The following DNAAF11 variants were observed in gnomAD, a reference collection of about 807,000 sequenced individuals.
The protein encoded by DNAAF11 is leucine rich repeat containing 6.
In DNAAF11, 45 loss-of-function variants were observed where a neutral mutation model predicts 60.8. The ratio of observed to expected loss-of-function variants is 0.74; its 90% confidence interval spans 0.58 to 0.95. The LOEUF is 0.95. Among genes scored for constraint, DNAAF11 ranks in the 40% least tolerant of loss-of-function variants. The probability of loss-of-function intolerance (pLI) is 0.00; values close to 1 mark genes in which losing one functional copy is unlikely to be tolerated. For synonymous variants in DNAAF11, 191 were observed against 183.5 expected (o/e 1.04, Z -0.33); for missense variants, 546 against 546.2 (o/e 1.00, Z 0.00).
chr8:132,637,002 T>A (rs1252250624), intron 4 of DNAAF11, among the ~76,000 whole-genome samples: 2 of 152,194 alleles, frequency 1.3e-5, no homozygotes, highest in Non-Finnish European at 2.9e-5. Context: ...TGGAGCCACA[T>A]GCAGGCTGGG....
chr8:132,698,830 C>G, the DNAAF11 span, among the ~76,000 whole-genome samples: 1 of 151,932 alleles, frequency 6.6e-6, no homozygotes, highest in African/African-American at 2.4e-5. Flanking sequence ...ACCTGTAATC[C>G]CAGCACTTGG....
rs1586766796 is a variant in DNAAF11 at position 132,675,484 on chromosome 8, T to C, written c.10A>G (p.Ile4Val). 6.4e-7 allele frequency: 1 copy of C among 1,567,676 alleles called. No individual in the cohort carries two copies. The highest frequency in any genetic ancestry group is 8.7e-7 in the Non-Finnish European group (1 of 1,153,888). The change falls in exon 1 of 12, where the codon ATC becomes GTC. Residue 4 changes from isoleucine (I) to valine (V), a missense_variant and splice_region_variant. Physicochemically the swap from Ile to Val is conservative, Grantham distance 29. Coordinates refer to ENST00000620350, the MANE Select transcript of DNAAF11 (RefSeq NM_012472.6). MGW[I>V]TEDLIRRNAE... ...GGACGGAAGGTGGAGGGGGGCTTAC[T>C]CCAGCCCATGGCGCCTCTCCAGTTC...
intron 1 of DNAAF11, among the ~76,000 whole-genome samples, chr8:132,671,949 C>T (rs1410563574): frequency 2.6e-5 from 4 of 151,952 alleles, no homozygotes; most frequent in African/African-American, 7.2e-5. Context: ...TCTATGTAAA[C>T]TTAGCAAAGA....
the DNAAF11 span, among the ~76,000 whole-genome samples, chr8:132,692,260 A>C: frequency 6.6e-6 from 1 of 152,184 alleles, no homozygotes; most frequent in Admixed American, 6.5e-5. Context: ...AGGTAAAGAG[A>C]GAACTCAAGG....
At chr8:132,697,604 C>T in the DNAAF11 span, among the ~76,000 whole-genome samples, 4,399 of 146,900 alleles carry the variant, frequency 0.03, 246 homozygotes, top group African/African-American at 0.11. Context: ...GGAGACAGAG[C>T]GAGACCCCAT....
At chr8:132,666,225 A>G (rs1358940626) in intron 1 of DNAAF11, among the ~76,000 whole-genome samples, 1 of 152,226 alleles carries the variant, frequency 6.6e-6, no homozygotes, top group Admixed American at 6.5e-5. Context: ...AAACCTGCAC[A>G]TGTACCCTCT....
chr8:132,632,404 T>C (rs935234669), intron 5 of DNAAF11, among the ~76,000 whole-genome samples: 1 of 152,238 alleles, frequency 6.6e-6, no homozygotes, highest in South Asian at 2.1e-4. Flanking sequence ...ATAATGTGAT[T>C]TGTATTTAAC....
intron 3 of DNAAF11, among the ~76,000 whole-genome samples, chr8:132,648,696 A>G (rs1327996711): frequency 6.6e-6 from 1 of 152,220 alleles, no homozygotes; most frequent in African/African-American, 2.4e-5. Flanking sequence ...AAAAATCACA[A>G]GCATTCTTAT....
At chr8:132,696,974 C>A in the DNAAF11 span, among the ~76,000 whole-genome samples, 1 of 152,122 alleles carries the variant, frequency 6.6e-6, no homozygotes, top group Admixed American at 6.5e-5. Context: ...ATAATCTGTA[C>A]AACAAAGCCC....
chr8:132,578,395 G>A, intron 11 of DNAAF11: 1 of 1,429,694 alleles, frequency 7.0e-7, no homozygotes, highest in Non-Finnish European at 9.2e-7. Flanking sequence ...AAAGTGGGGA[G>A]GGGCCTTTTC....
rs578145755 is a variant in DNAAF11, at chr8:132,627,843, G to GGCT, written c.654-2392_654-2390dup. ...TATATGACCACTCCTATTATAACCTGGCTGCTGCTACCCTCGCTGGGACCA... is the reference window on the plus strand; with the variant it reads ...TATATGACCACTCCTATTATAACCTGGCTGCTGCTGCTACCCTCGCTGGGACCA... On this transcript the variant is annotated intron_variant, in intron 5 of 11. Coordinates refer to ENST00000620350, the MANE Select transcript of DNAAF11 (RefSeq NM_012472.6). 4.9e-3 allele frequency among the ~76,000 whole-genome samples: 747 copies of GGCT among 152,212 alleles called. 5 individuals are homozygous for GGCT. The highest frequency in any genetic ancestry group is 0.017 in the African/African-American group (714 of 41,522).
intron 2 of DNAAF11, among the ~76,000 whole-genome samples, chr8:132,658,743 T>C (rs1823838403): frequency 6.6e-6 from 1 of 152,146 alleles, no homozygotes; most frequent in South Asian, 2.1e-4. Flanking sequence ...GGATTTCCCT[T>C]CCCCACCTTT....
intron 10 of DNAAF11, among the ~76,000 whole-genome samples, chr8:132,602,593 A>C (rs1327023547): frequency 6.6e-6 from 1 of 152,054 alleles, no homozygotes; most frequent in Non-Finnish European, 1.5e-5. Context: ...TAATGCCCAC[A>C]GCAACTGTGG....
chr8:132,613,389 G>A (rs1427340226), intron 8 of DNAAF11, among the ~76,000 whole-genome samples: 2 of 152,234 alleles, frequency 1.3e-5, no homozygotes, highest in Non-Finnish European at 2.9e-5. Context: ...CAACATGGAT[G>A]AGGCTTGAAG....
At chr8:132,589,299 G>A (rs1816224743) in intron 10 of DNAAF11, among the ~76,000 whole-genome samples, 1 of 152,192 alleles carries the variant, frequency 6.6e-6, no homozygotes, top group African/African-American at 2.4e-5. Context: ...ACTGTAGCTG[G>A]AGAGAAGGCT....
chr8:132,669,121 T>A (rs564287601), intron 1 of DNAAF11, among the ~76,000 whole-genome samples: 25 of 152,310 alleles, frequency 1.6e-4, no homozygotes, highest in African/African-American at 5.8e-4. Context: ...ACAGCCCAAC[T>A]TCCCCCTCTG....
chr8:132,597,625 T>G (rs77412786), intron 10 of DNAAF11, among the ~76,000 whole-genome samples: 2,213 of 152,328 alleles, frequency 0.015, 63 homozygotes, highest in African/African-American at 0.051. Context: ...TCTGGGAGGA[T>G]GCCAGGCAAG....
In DNAAF11 at chr8:132,625,309, G is replaced by C; in HGVS notation, c.799C>G (p.His267Asp). 1 of 1,612,780 alleles carries C rather than the reference G, an allele frequency of 6.2e-7. No homozygotes were observed. Among genetic ancestry groups the C allele is most frequent in the Non-Finnish European group, 8.5e-7 (1 of 1,179,444 alleles). The change falls in exon 6 of 12, where the codon CAC (histidine) becomes GAC (aspartate). Residue 267 changes from histidine (H) to aspartate (D), a missense_variant. Coordinates refer to ENST00000620350, the MANE Select transcript of DNAAF11 (RefSeq NM_012472.6). ...TPESRLETLRHMEKQRKKQEK... is the reference protein window; with the variant it reads ...TPESRLETLRDMEKQRKKQEK... The stretch of plus-strand genomic sequence containing the variant: ...TGTTTCTTCCGTTGTTTTTCCATGT[G>C]TCTAAGAGTTTCCAATCTTGATTCA...
chr8:132,581,789 A>T (rs139479785), intron 11 of DNAAF11, among the ~76,000 whole-genome samples: 82 of 152,336 alleles, frequency 5.4e-4, no homozygotes, highest in African/African-American at 1.8e-3. Flanking sequence ...GTAAATTAGA[A>T]ATAATAGCAC....
Sources: gnomAD v4.1 joint callset for allele counts (sites outside exome capture counted in the v4.1 genomes callset) on GRCh38, gnomAD v4.1.1 for gene constraint, MANE v1.5 for transcripts, NCBI Gene and HGNC (gene_info 2026-07-23, HGNC 2026-07-21) for gene names.